Variants in CDH10 observed in about 807,000 individuals in gnomAD.
CDH10 encodes cadherin 10.
Under a neutral mutation model 73.1 loss-of-function variants are expected in CDH10, and 30 were observed. That is an observed-to-expected ratio of 0.41 (90% confidence interval 0.31 to 0.56). The LOEUF (loss-of-function observed/expected upper bound fraction) is 0.56. CDH10 is among the 20% of genes least tolerant of loss of function. The probability of loss-of-function intolerance (pLI) is 0.27; values close to 1 mark genes in which losing one functional copy is unlikely to be tolerated. For synonymous variants in CDH10, 345 were observed against 348.2 expected, an observed-to-expected ratio of 0.99 and a Z score of 0.10; for missense variants, 815 against 973.7, an observed-to-expected ratio of 0.84 and a Z score of 2.17.
intron 2 of CDH10, among the ~76,000 whole-genome samples, chr5:24,555,319 T>C (rs1744726787): frequency 6.6e-6 from 1 of 152,088 alleles, no homozygotes; most frequent in Admixed American, 6.6e-5. Flanking sequence ...AGCCTGACCA[T>C]TAAATGAACA....
At chr5:24,580,895 C>T (rs1745775244) in intron 2 of CDH10, among the ~76,000 whole-genome samples, 1 of 152,134 alleles carries the variant, frequency 6.6e-6, no homozygotes, top group African/African-American at 2.4e-5. Context: ...TCATTTCAAC[C>T]TCTACTTCCA....
chr5:24,626,780 C>CTATATA (rs35149680), intron 1 of CDH10, among the ~76,000 whole-genome samples: 1 of 145,742 alleles, frequency 6.9e-6, no homozygotes, highest in African/African-American at 2.6e-5. Context: ...TCTCAAAAAC[C>CTATATA]TATATATATA....
At chr5:24,638,689 C>T (rs1179542241) in intron 1 of CDH10, among the ~76,000 whole-genome samples, 1 of 151,694 alleles carries the variant, frequency 6.6e-6, no homozygotes, top group East Asian at 1.9e-4. Context: ...ACTCTGGTGA[C>T]AAAATATGGT....
intron 9 of CDH10, among the ~76,000 whole-genome samples, chr5:24,493,772 C>T (rs970527041): frequency 6.6e-6 from 1 of 151,654 alleles, no homozygotes; most frequent in Non-Finnish European, 1.5e-5. Flanking sequence ...ACACTGATGC[C>T]TACATAGTCA....
chr5:24,559,330 T>C (rs188810176), intron 2 of CDH10, among the ~76,000 whole-genome samples: 29 of 152,106 alleles, frequency 1.9e-4, no homozygotes, highest in African/African-American at 6.7e-4. Context: ...GGTTCTGACA[T>C]TGTTCAGCTA....
At chr5:24,581,209 C>T (rs1745785469) in intron 2 of CDH10, among the ~76,000 whole-genome samples, 2 of 152,278 alleles carry the variant, frequency 1.3e-5, no homozygotes, top group South Asian at 2.1e-4. Context: ...GCTTCCTTTG[C>T]TTCAGCTACA....
chr5:24,625,101 C>T (rs1048382687), intron 1 of CDH10, among the ~76,000 whole-genome samples: 2 of 152,084 alleles, frequency 1.3e-5, no homozygotes. Flanking sequence ...AAGTGCCATA[C>T]TACTTTATTT....
intron 10 of CDH10, 113 bp downstream of exon 10, chr5:24,492,704 A>C: frequency 1.7e-6 from 1 of 585,230 alleles, no homozygotes; most frequent in East Asian, 2.7e-5. Flanking sequence ...TTAAAACAAA[A>C]TTGTATAACT....
intron 2 of CDH10, among the ~76,000 whole-genome samples, chr5:24,589,454 TAGAATC>T (rs1373627988): frequency 1.3e-5 from 2 of 152,126 alleles, no homozygotes; most frequent in Non-Finnish European, 1.5e-5. Context: ...TATACTGACT[TAGAATC>T]AGATTTATGG....
chr5:24,634,198 C>G (rs1053919255), intron 1 of CDH10, among the ~76,000 whole-genome samples: 2 of 151,686 alleles, frequency 1.3e-5, no homozygotes, highest in African/African-American at 4.8e-5. Context: ...ATTCAATAAC[C>G]ATTTCTTGGG....
chr5:24,582,175 A>G (rs1745826213), intron 2 of CDH10, among the ~76,000 whole-genome samples: 1 of 152,160 alleles, frequency 6.6e-6, no homozygotes, highest in South Asian at 2.1e-4. Flanking sequence ...GGTAACAGTG[A>G]AAACTAGGGG....
intron 1 of CDH10, 105 bp from the exon 2 acceptor site, chr5:24,593,718 A>C (rs576022626): frequency 2.0e-6 from 1 of 489,526 alleles, no homozygotes; most frequent in African/African-American, 2.0e-5. Flanking sequence ...CAACCAAAAC[A>C]TTCATTTTCT....
chr5:24,613,007 A>C (rs1373611982), intron 1 of CDH10: 1 of 152,198 alleles, frequency 6.6e-6, no homozygotes, highest in African/African-American at 2.4e-5. Context: ...CGACTGCTTC[A>C]GAAACATACT....
rs920242695 is a variant in CDH10, at chr5:24,585,886, G to A, written c.231+7374C>T. ...TCATGATTCACAGTTCTGTCCCTCC[G>A]CTCTGCTAGACTCAGGAAAATCAAA... On this transcript the variant is annotated intron_variant, in intron 2 of 11. Coordinates refer to ENST00000264463, the MANE Select transcript of CDH10 (RefSeq NM_006727.5). 3.3e-5 allele frequency among the ~76,000 whole-genome samples: 5 copies of A among 152,068 alleles called. No homozygotes were observed. In the East Asian group the frequency reaches 9.6e-4, roughly 29 times the overall value.
At chr5:24,515,902 GT>G (rs34653438) in intron 5 of CDH10, among the ~76,000 whole-genome samples, 72,474 of 151,720 alleles carry the variant, frequency 0.48, 17,405 homozygotes, top group East Asian at 0.58. Context: ...ATACAGGGGA[GT>G]TTTCCCCTGA....
chr5:24,544,982 C>T (rs1430475807), intron 2 of CDH10, among the ~76,000 whole-genome samples: 1 of 152,172 alleles, frequency 6.6e-6, no homozygotes, highest in East Asian at 1.9e-4. Context: ...GCATTAACTG[C>T]TTCAAAGGTC....
chr5:24,570,066 A>C (rs2112018877), intron 2 of CDH10, among the ~76,000 whole-genome samples: 1 of 152,208 alleles, frequency 6.6e-6, no homozygotes, highest in South Asian at 2.1e-4. Context: ...GCGCCCGGCC[A>C]ACAAGTGTGT....
chr5:24,562,700 G>A (rs1745002625), intron 2 of CDH10, among the ~76,000 whole-genome samples: 1 of 152,076 alleles, frequency 6.6e-6, no homozygotes, highest in Non-Finnish European at 1.5e-5. Flanking sequence ...TAAACAGAGA[G>A]AGAACATCTA....
chr5:24,514,826 A>C (rs1743050333), intron 5 of CDH10, among the ~76,000 whole-genome samples: 1 of 152,142 alleles, frequency 6.6e-6, no homozygotes, highest in Non-Finnish European at 1.5e-5. Context: ...AAAATTTTAA[A>C]TATAAGGAAT....
Sources: gnomAD v4.1 joint callset for allele counts (sites outside exome capture counted in the v4.1 genomes callset) on GRCh38, gnomAD v4.1.1 for gene constraint, MANE v1.5 for transcripts, NCBI Gene and HGNC (gene_info 2026-07-23, HGNC 2026-07-21) for gene names.